CPED1: variants seen among roughly 807,000 people sequenced by gnomAD.
CPED1 encodes cadherin-like and PC-esterase domain-containing protein 1.
A neutral mutation model predicts 128.2 loss-of-function variants in CPED1; 114 were observed. That is an observed-to-expected ratio of 0.89 (90% CI 0.76 to 1.04). The LOEUF (loss-of-function observed/expected upper bound fraction) is 1.04, where lower values mean the gene tolerates loss of function less well. Ranked by LOEUF, CPED1 falls within the 50% of genes least tolerant of loss-of-function variation. The pLI, the probability that CPED1 is intolerant of heterozygous loss-of-function variation, is 0.00. For synonymous variants in CPED1, 462 were observed against 426.7 expected, an observed-to-expected ratio of 1.08 and a Z score of -1.02; for missense variants, 1,211 against 1,207.1, an observed-to-expected ratio of 1.00 and a Z score of -0.05.
chr7:121,193,466 T>C (rs1797193183), intron 16 of CPED1, among the ~76,000 whole-genome samples: 2 of 152,146 alleles, frequency 1.3e-5, no homozygotes, highest in Admixed American at 1.3e-4. Flanking sequence ...TCAAAGTTCC[T>C]ACTGGGTCGC....
Position 121,271,317 on chromosome 7 carries a change from A to G in CPED1, c.2755A>G (p.Ile919Val), listed in dbSNP as rs1191971498. The G allele has an allele frequency of 6.2e-7, 1 of 1,611,594 alleles. No individual in the cohort carries two copies. Among genetic ancestry groups the G allele is most frequent in the Middle Eastern group, 1.7e-4 (1 of 6,040 alleles). ...EVQNLWKENL[I>V]ILDTAKKHGY... ...ACAGAACTTATGGAAAGAAAATTTG[A>G]TTATTCTGGATACTGCAAAAAAACA... The change falls in exon 22 of 23, where the codon ATT becomes GTT. Residue 919 changes from isoleucine (I) to valine (V), a missense_variant. Physicochemically the swap from Ile to Val is conservative, Grantham distance 29 (BLOSUM62 3). Transcript: ENST00000310396.
At chr7:121,253,289 A>G (rs1798728588) in intron 18 of CPED1, among the ~76,000 whole-genome samples, 1 of 127,496 alleles carries the variant, frequency 7.8e-6, no homozygotes, top group African/African-American at 3.0e-5. Flanking sequence ...AGGAAGGGGA[A>G]CATCACACAC....
At chr7:121,262,507 A>G (rs1380686531) in intron 18 of CPED1, among the ~76,000 whole-genome samples, 1 of 149,290 alleles carries the variant, frequency 6.7e-6, no homozygotes, top group Non-Finnish European at 1.5e-5. Context: ...GAATAGATGC[A>G]AAACTCTTCT....
At chr7:121,285,913 C>A (rs988389851) in intron 22 of CPED1, among the ~76,000 whole-genome samples, 1 of 152,156 alleles carries the variant, frequency 6.6e-6, no homozygotes, top group Admixed American at 6.5e-5. Flanking sequence ...ATCTTTACAG[C>A]AGTCCCCACT....
At chr7:121,258,605 T>A (rs1791942890) in intron 18 of CPED1, among the ~76,000 whole-genome samples, 1 of 152,110 alleles carries the variant, frequency 6.6e-6, no homozygotes, top group African/African-American at 2.4e-5. Flanking sequence ...TTTGATTTGC[T>A]TTCTACTGGA....
At chr7:121,004,488 G>A (rs1022348775) in intron 2 of CPED1, among the ~76,000 whole-genome samples, 8 of 152,090 alleles carry the variant, frequency 5.3e-5, no homozygotes, top group East Asian at 1.9e-4. Flanking sequence ...ATTCTAGGCC[G>A]GCTGCCACAA....
At chr7:121,222,604 G>A (rs1327797813) in intron 16 of CPED1, among the ~76,000 whole-genome samples, 3 of 151,896 alleles carry the variant, frequency 2.0e-5, no homozygotes, top group Non-Finnish European at 2.9e-5. Context: ...ATGTTCTTCC[G>A]TTTGTTTGTG....
intron 16 of CPED1, among the ~76,000 whole-genome samples, chr7:121,168,688 A>AT (rs1035157662): frequency 6.6e-6 from 1 of 152,084 alleles, no homozygotes; most frequent in African/African-American, 2.4e-5. Flanking sequence ...TATTCATTCT[A>AT]TTTTTTTGTA....
rs1793766124 is a variant in CPED1, at chr7:121,064,248, T to C, written c.551T>C (p.Leu184Ser). 1.2e-6 allele frequency: 2 copies of C among 1,607,144 alleles called. No individual in the cohort carries two copies. The highest frequency in any genetic ancestry group is 8.5e-7 in the Non-Finnish European group (1 of 1,173,632). ...QLGLHQKANRLPEIQQPLCRK... is the reference protein window; with the variant it reads ...QLGLHQKANRSPEIQQPLCRK... ...TTTCATTCCTTTCAGGCAAACAGAT[T>C]ACCAGAAATACAGCAGCCACTTTGC... Residue 184 changes from leucine (L) to serine (S), a missense_variant, in exon 5 of 23, where the codon TTA (leucine) becomes TCA (serine). Leu to Ser is a moderately radical substitution (Grantham distance 145). Coordinates refer to ENST00000310396, the MANE Select transcript of CPED1 (RefSeq NM_024913.5).
chr7:121,182,140 A>G (rs1796908923), intron 16 of CPED1, among the ~76,000 whole-genome samples: 1 of 152,014 alleles, frequency 6.6e-6, no homozygotes, highest in Admixed American at 6.6e-5. Flanking sequence ...AAACCACTAT[A>G]AAAGCTATGG....
intron 22 of CPED1, among the ~76,000 whole-genome samples, chr7:121,286,647 C>T (rs147571903): frequency 1.3e-4 from 20 of 152,072 alleles, no homozygotes; most frequent in African/African-American, 4.8e-4. Context: ...CAGATGTGCT[C>T]AAGAAGTTGG....
intron 2 of CPED1, among the ~76,000 whole-genome samples, chr7:120,999,076 C>T (rs926591056): frequency 3.9e-5 from 6 of 152,022 alleles, no homozygotes; most frequent in African/African-American, 1.2e-4. Flanking sequence ...AATATTCAGT[C>T]GATGAATGAA....
At chr7:121,098,824 TAA>T (rs1246921586) in intron 6 of CPED1, among the ~76,000 whole-genome samples, 1 of 144,308 alleles carries the variant, frequency 6.9e-6, no homozygotes, top group African/African-American at 2.5e-5. Context: ...AATATATATA[TAA>T]ATATATATAT....
intron 22 of CPED1, among the ~76,000 whole-genome samples, chr7:121,290,991 G>A (rs1792687565): frequency 6.6e-6 from 1 of 152,198 alleles, no homozygotes; most frequent in African/African-American, 2.4e-5. Context: ...AAGGTGTAAG[G>A]AAGGGGTCCA....
intron 16 of CPED1, among the ~76,000 whole-genome samples, chr7:121,212,317 T>C (rs1797663909): frequency 6.6e-6 from 1 of 151,962 alleles, no homozygotes; most frequent in Non-Finnish European, 1.5e-5. Flanking sequence ...AAGAAAAAAT[T>C]GCAATTTATA....
chr7:120,989,094 T>C lies in CPED1; in HGVS notation c.-232+182T>C, dbSNP rs139672757. 2.4e-4 allele frequency: 37 copies of C among 155,572 alleles called. 1 individual carries two copies. In the East Asian group the frequency reaches 6.3e-3, roughly 27 times the overall value. The allele number at this position is 155,572 out of a possible 1,614,324, so 9.6% of individuals were successfully genotyped here. On this transcript the variant is annotated intron_variant, in intron 1 of 22. Coordinates refer to ENST00000310396, the MANE Select transcript of CPED1 (RefSeq NM_024913.5). The stretch of plus-strand genomic sequence containing the variant: ...GCATACAAAAGGCTGAAAGCAAGAC[T>C]GCTTTAAAACCGGAGGAAAATTGAG...
At chr7:121,189,757 GTT>G (rs1447635080) in intron 16 of CPED1, among the ~76,000 whole-genome samples, 27 of 36,858 alleles carry the variant, frequency 7.3e-4, no homozygotes, top group Non-Finnish European at 9.9e-4. Flanking sequence ...TTCTTATGAG[GTT>G]TTATATATAT....
intron 16 of CPED1, among the ~76,000 whole-genome samples, chr7:121,199,672 T>C (rs1563062953): frequency 1.9e-4 from 1 of 5,268 alleles, no homozygotes; most frequent in Non-Finnish European, 3.1e-4. Context: ...TGAGACTCCA[T>C]CAAAAAAAAA....
chr7:121,149,108 T>C (rs1321683024), intron 16 of CPED1, among the ~76,000 whole-genome samples: 3 of 152,210 alleles, frequency 2.0e-5, no homozygotes, highest in Non-Finnish European at 4.4e-5. Context: ...TGCAGGTATT[T>C]CAGATTCTTT....
Sources: gnomAD v4.1 joint callset for allele counts (sites outside exome capture counted in the v4.1 genomes callset) on GRCh38, gnomAD v4.1.1 for gene constraint, MANE v1.5 for transcripts, NCBI Gene and HGNC (gene_info 2026-07-23, HGNC 2026-07-21) for gene names.